Variants in HMCN1 observed in about 807,000 individuals in gnomAD.
The protein encoded by HMCN1 is hemicentin 1, also known as hemicentin-1.
HMCN1 carries 321 observed loss-of-function variants against 625.9 expected under a neutral mutation model. That is an observed-to-expected ratio of 0.51 (90% CI 0.47 to 0.56). HMCN1 has a LOEUF of 0.56. Among genes scored for constraint, HMCN1 ranks in the 20% least tolerant of loss-of-function variants. The pLI is 0.00. For missense variants in HMCN1, 6,588 were observed against 6,887.3 expected (o/e 0.96, Z 1.54); for synonymous variants, 2,425 against 2,417.6 (o/e 1.00, Z -0.09).
intron 10 of HMCN1, 61 bp downstream of exon 10, chr1:185,928,728 G>T: frequency 6.5e-7 from 1 of 1,540,752 alleles, no homozygotes. Flanking sequence ...GAAATGGGAT[G>T]TTTGTTAACC....
intron 4 of HMCN1, among the ~76,000 whole-genome samples, chr1:185,875,382 A>G (rs557218197): frequency 6.6e-6 from 1 of 152,200 alleles, no homozygotes; most frequent in African/African-American, 2.4e-5. Context: ...GTAAGAACAA[A>G]TCAGACATAG....
chr1:185,984,278 G>C lies in HMCN1; in HGVS notation c.2900G>C (p.Gly967Ala), dbSNP rs1270006463. The stretch of plus-strand genomic sequence containing the variant: ...ACTTGTGTGGCCAGTAACGTTGCTG[G>C]GACCAATAACAAAACTACCTCTGTG... Reference protein sequence around the residue: ...EYTCVASNVAGTNNKTTSVVV... With the variant: ...EYTCVASNVAATNNKTTSVVV... Residue 967 changes from glycine (G) to alanine (A), a missense_variant, in exon 19 of 107, where the codon GGG becomes GCG. This residue lies in a region of HMCN1 where 4,628 missense variants were observed against 4,853.1 expected (regional missense o/e 0.95). Transcript: ENST00000271588. 11 of 1,613,844 alleles carry C rather than the reference G, an allele frequency of 6.8e-6. No homozygotes were observed. Among genetic ancestry groups the C allele is most frequent in the Non-Finnish European group, 9.3e-6 (11 of 1,179,944 alleles).
chr1:186,136,480 T>C (rs1649610999), intron 86 of HMCN1, among the ~76,000 whole-genome samples, 188 bp from the exon 87 acceptor site: 1 of 152,170 alleles, frequency 6.6e-6, no homozygotes, highest in Non-Finnish European at 1.5e-5. Flanking sequence ...TTTTGACATT[T>C]ACTAAATAAA....
At chr1:186,041,225 T>C (rs1332438901) in intron 40 of HMCN1, 89 bp downstream of exon 40, 4 of 1,117,626 alleles carry the variant, frequency 3.6e-6, no homozygotes, top group Admixed American at 3.4e-5. Flanking sequence ...TTGTTGACAA[T>C]AAAGAACAAT....
At position 186,045,765 on chromosome 1, in the gene HMCN1, G is replaced by A; in HGVS notation, c.6382G>A (p.Asp2128Asn). Residue 2128 changes from aspartate to asparagine, a missense_variant, in exon 41 of 107, where the codon GAT becomes AAT. By Grantham distance (23) the Asp-to-Asn change is conservative. Transcript: ENST00000271588. ...SQAVELLCQS[D>N]AIPPPTLTWL... ...AGCTGTGGAATTACTATGTCAAAGT[G>A]ATGCTATTCCCCCACCTACTCTTAC... is the stretch of plus-strand genomic sequence containing the variant. The A allele has an allele frequency of 6.2e-7, 1 of 1,612,654 alleles. No individual in the cohort carries two copies. The highest frequency in any genetic ancestry group is 8.5e-7 in the Non-Finnish European group (1 of 1,178,826).
At chr1:186,031,422 T>C (rs1339532286) in intron 36 of HMCN1, among the ~76,000 whole-genome samples, 1 of 152,070 alleles carries the variant, frequency 6.6e-6, no homozygotes, top group Non-Finnish European at 1.5e-5. Flanking sequence ...GTCACTTCTC[T>C]CTTACTGCTT....
chr1:185,777,432 G>T (rs1450114522), intron 1 of HMCN1, among the ~76,000 whole-genome samples: 1 of 151,956 alleles, frequency 6.6e-6, no homozygotes, highest in African/African-American at 2.4e-5. Context: ...CACAACTGCG[G>T]TGCACTATGC....
intron 10 of HMCN1, among the ~76,000 whole-genome samples, chr1:185,930,063 A>C (rs1241425503): frequency 6.6e-6 from 1 of 152,170 alleles, no homozygotes; most frequent in East Asian, 1.9e-4. Context: ...TTGTGAACTG[A>C]CTGTCATGAA....
chr1:185,827,299 G>A (rs774370189), intron 1 of HMCN1, among the ~76,000 whole-genome samples: 3 of 151,846 alleles, frequency 2.0e-5, no homozygotes, highest in Non-Finnish European at 4.4e-5. Flanking sequence ...GATGAAAATT[G>A]TTACTGAACA....
chr1:185,793,088 A>G (rs746093215), intron 1 of HMCN1, among the ~76,000 whole-genome samples: 27 of 152,218 alleles, frequency 1.8e-4, no homozygotes, highest in Admixed American at 3.3e-4. Flanking sequence ...TACTACAGTC[A>G]AAGTTAATTC....
At chr1:185,999,864 G>T (rs917857710) in intron 25 of HMCN1, among the ~76,000 whole-genome samples, 181 bp from the exon 26 acceptor site, 1 of 152,122 alleles carries the variant, frequency 6.6e-6, no homozygotes, top group Non-Finnish European at 1.5e-5. Flanking sequence ...CCGGGATTTA[G>T]AGGCATTAAC....
At chr1:185,830,524 G>T (rs888176522) in intron 1 of HMCN1, among the ~76,000 whole-genome samples, 2 of 152,140 alleles carry the variant, frequency 1.3e-5, no homozygotes, top group Non-Finnish European at 2.9e-5. Context: ...CACATTGCTT[G>T]TTCTTGTCAG....
chr1:186,021,369 C>T (rs1192997039), intron 35 of HMCN1, among the ~76,000 whole-genome samples: 2 of 151,966 alleles, frequency 1.3e-5, no homozygotes, highest in South Asian at 2.1e-4. Flanking sequence ...ACTATGAGAT[C>T]AACTAGTGGA....
At chr1:185,846,280 C>G (rs1661808263) in intron 2 of HMCN1, among the ~76,000 whole-genome samples, 184 bp downstream of exon 2, 3 of 152,138 alleles carry the variant, frequency 2.0e-5, no homozygotes, top group Non-Finnish European at 4.4e-5. Context: ...AGAAATAGGA[C>G]AGATGGGGTT....
chr1:186,040,457 G>A (rs1656132327), intron 39 of HMCN1, among the ~76,000 whole-genome samples: 4 of 152,060 alleles, frequency 2.6e-5, no homozygotes, highest in Admixed American at 2.6e-4. Context: ...TTGCCTAACA[G>A]AAAGCATAGT....
At chr1:186,055,798 A>G (rs1346743267) in intron 45 of HMCN1, 124 bp downstream of exon 45, 31 of 947,524 alleles carry the variant, frequency 3.3e-5, no homozygotes, top group Non-Finnish European at 4.4e-5. Context: ...AAACATATAT[A>G]CCTTTTCCCC....
intron 54 of HMCN1, among the ~76,000 whole-genome samples, chr1:186,077,818 A>G (rs116222170): frequency 1.3e-5 from 2 of 152,334 alleles, no homozygotes; most frequent in Non-Finnish European, 2.9e-5. Flanking sequence ...CTATATAGTA[A>G]CATTCCCTAG....
rs192857818 is a variant in HMCN1 at position 186,088,435 on chromosome 1, T to G, written c.9577+159T>G. ...ATACAGATTTACAAAATAGACTCAT[T>G]GTAAAATGATTAGTCATTTTATAAA... On this transcript the variant is annotated intron_variant, in intron 62 of 106. Transcript: ENST00000271588. Among the ~76,000 whole-genome samples, 5 of 152,184 alleles carry G rather than the reference T, an allele frequency of 3.3e-5. No homozygotes were observed. The East Asian group carries it at 9.7e-4, about 29-fold the overall frequency.
intron 1 of HMCN1, among the ~76,000 whole-genome samples, chr1:185,750,488 A>G (rs1389043147): frequency 6.6e-6 from 1 of 152,126 alleles, no homozygotes; most frequent in Admixed American, 6.5e-5. Flanking sequence ...CTTTAAGGCC[A>G]TGTTGTTAGG....
Sources: allele counts gnomAD v4.1 joint callset (sites outside exome capture counted in the v4.1 genomes callset), GRCh38; gene constraint gnomAD v4.1.1; regional missense constraint gnomAD v4.1.1; transcripts MANE v1.5; gene names NCBI Gene and HGNC (gene_info 2026-07-23, HGNC 2026-07-21).